Variants in FILIP1L observed in about 807,000 individuals in gnomAD.
FILIP1L encodes filamin A interacting protein 1 like.
FILIP1L carries 55 observed loss-of-function variants against 96.6 expected under a neutral mutation model. That is an observed-to-expected ratio of 0.57 (90% CI 0.46 to 0.71). The LOEUF is 0.71. FILIP1L is among the 30% of genes least tolerant of loss of function. The pLI is 0.00. For missense variants in FILIP1L, 1,304 were observed against 1,321.2 expected (o/e 0.99, Z 0.20); for synonymous variants, 467 against 473.9 (o/e 0.99, Z 0.19).
chr3:100,004,031 G>A lies in FILIP1L; in HGVS notation c.-10-73001C>T, dbSNP rs866707440. ...GTCTGTTCCCACCTGCCTCTCTCAG[G>A]GTAAGCATCTTGCCTTACTCAGATG... On this transcript the variant is annotated intron_variant, in intron 1 of 5. Coordinates refer to ENST00000477258, the MANE Select transcript of FILIP1L (RefSeq NM_001387850.1). 1.9e-4 allele frequency among the ~76,000 whole-genome samples: 29 copies of A among 152,148 alleles called. No individual in the cohort carries two copies. In the Middle Eastern group the frequency reaches 0.01, roughly 54 times the overall value.
At chr3:99,882,042 T>A (rs1486134681) in intron 4 of FILIP1L, among the ~76,000 whole-genome samples, 1 of 152,172 alleles carries the variant, frequency 6.6e-6, no homozygotes, top group African/African-American at 2.4e-5. Flanking sequence ...GTTAGGTAAA[T>A]TGGATTTATA....
rs527864154 is a variant in FILIP1L at position 99,982,231 on chromosome 3, C to T, written c.-10-51201G>A. 2.1e-4 allele frequency among the ~76,000 whole-genome samples: 32 copies of T among 151,932 alleles called. No individual in the cohort carries two copies. In the South Asian group the frequency reaches 3.3e-3, roughly 16 times the overall value. ...TGCATGCATTTCTTATCTCTTTGTA[C>T]ACATCTTTTTTTATGCCTGTCATGC... On this transcript the variant is annotated intron_variant, in intron 1 of 5. Transcript: ENST00000477258.
At chr3:99,863,165 G>A (rs989510870) in intron 4 of FILIP1L, among the ~76,000 whole-genome samples, 22 of 152,086 alleles carry the variant, frequency 1.4e-4, no homozygotes, top group African/African-American at 5.3e-4. Context: ...TGTCCCACTC[G>A]GATCATCAGG....
intron 1 of FILIP1L, among the ~76,000 whole-genome samples, chr3:99,953,034 CT>C (rs1708222732): frequency 6.6e-6 from 1 of 152,032 alleles, no homozygotes; most frequent in Admixed American, 6.5e-5. Flanking sequence ...TTCCTTTTCT[CT>C]ATCAAGTGCC....
intron 4 of FILIP1L, among the ~76,000 whole-genome samples, chr3:99,854,620 A>G (rs182097442): frequency 6.6e-6 from 1 of 152,164 alleles, no homozygotes. Context: ...GTGCACTACA[A>G]GATGTTTAGC....
At chr3:100,028,564 A>C (rs2064968149) in intron 1 of FILIP1L, among the ~76,000 whole-genome samples, 1 of 152,156 alleles carries the variant, frequency 6.6e-6, no homozygotes, top group Non-Finnish European at 1.5e-5. Context: ...CTAATTACAA[A>C]ATTTTTCATT....
intron 1 of FILIP1L, among the ~76,000 whole-genome samples, chr3:100,037,959 G>A (rs1211885747): frequency 3.2e-5 from 3 of 92,402 alleles, no homozygotes; most frequent in Non-Finnish European, 6.8e-5. Flanking sequence ...TTTTTTTTGG[G>A]GGGGGAGGGA....
chr3:100,070,725 G>A (rs548386421), intron 1 of FILIP1L, among the ~76,000 whole-genome samples: 5 of 151,976 alleles, frequency 3.3e-5, no homozygotes, highest in Non-Finnish European at 5.9e-5. Context: ...TCCACCTCCC[G>A]GGTTCAAGCA....
intron 1 of FILIP1L, among the ~76,000 whole-genome samples, chr3:99,957,689 C>CTTTTTTTTTTTTTTTTTTTTTT (rs1708363173): frequency 1.3e-4 from 1 of 7,964 alleles, no homozygotes; most frequent in African/African-American, 5.6e-4. Flanking sequence ...TCTTTTCTTT[C>CTTTTTTTTTTTTTTTTTTTTTT]TTTCTTTTTT....
intron 1 of FILIP1L, among the ~76,000 whole-genome samples, chr3:100,084,781 T>G (rs2065982271): frequency 6.6e-6 from 1 of 152,234 alleles, no homozygotes; most frequent in Non-Finnish European, 1.5e-5. Flanking sequence ...TAGTTTTCAC[T>G]TGGTTCATAT....
At chr3:100,014,803 A>G (rs181427512) in intron 1 of FILIP1L, among the ~76,000 whole-genome samples, 7 of 74,602 alleles carry the variant, frequency 9.4e-5, no homozygotes, top group Admixed American at 4.1e-4. Context: ...TCTTCATTCT[A>G]TTGATTTTTT....
intron 1 of FILIP1L, among the ~76,000 whole-genome samples, chr3:99,933,861 A>G (rs189899251): frequency 1.3e-5 from 2 of 152,308 alleles, no homozygotes; most frequent in South Asian, 2.1e-4. Context: ...TTTGTGCCCA[A>G]CTGTCTCAGG....
At chr3:99,982,378 C>G (rs1709151415) in intron 1 of FILIP1L, among the ~76,000 whole-genome samples, 1 of 151,710 alleles carries the variant, frequency 6.6e-6, no homozygotes, top group Admixed American at 6.6e-5. Context: ...CTCACTCTTT[C>G]AACCAGGCTA....
At chr3:99,938,665 A>G (rs1189458860) in intron 1 of FILIP1L, among the ~76,000 whole-genome samples, 2 of 152,180 alleles carry the variant, frequency 1.3e-5, no homozygotes, top group African/African-American at 2.4e-5. Flanking sequence ...TTCTCAGCAG[A>G]GCTGGTTGGC....
chr3:100,017,487 G>A (rs1047710086), intron 1 of FILIP1L, among the ~76,000 whole-genome samples: 7 of 152,268 alleles, frequency 4.6e-5, no homozygotes, highest in South Asian at 2.1e-4. Flanking sequence ...GATATACCTG[G>A]CACCTACCAA....
At chr3:99,853,189 GA>G (rs1271382807) in intron 4 of FILIP1L, among the ~76,000 whole-genome samples, 1 of 152,148 alleles carries the variant, frequency 6.6e-6, no homozygotes, top group Non-Finnish European at 1.5e-5. Flanking sequence ...CTTTGGTGGT[GA>G]AATAGTTAAA....
intron 1 of FILIP1L, among the ~76,000 whole-genome samples, chr3:99,949,944 A>G (rs1708126793): frequency 6.6e-6 from 1 of 152,202 alleles, no homozygotes; most frequent in Non-Finnish European, 1.5e-5. Context: ...TGCTTTATAC[A>G]TATTCTTGGA....
chr3:99,948,510 G>A (rs573634733), intron 1 of FILIP1L, among the ~76,000 whole-genome samples: 1 of 146,946 alleles, frequency 6.8e-6, no homozygotes, highest in South Asian at 2.3e-4. Context: ...TATCATCACT[G>A]CACTTCAGCC....
chr3:100,095,696 A>T (rs1421146366), intron 1 of FILIP1L, among the ~76,000 whole-genome samples: 1 of 152,214 alleles, frequency 6.6e-6, no homozygotes, highest in Non-Finnish European at 1.5e-5. Flanking sequence ...GAAACTTTTC[A>T]AGACATTGGT....
Sources: gnomAD v4.1 joint callset for allele counts (sites outside exome capture counted in the v4.1 genomes callset) on GRCh38, gnomAD v4.1.1 for gene constraint, MANE v1.5 for transcripts, NCBI Gene and HGNC (gene_info 2026-07-23, HGNC 2026-07-21) for gene names.